The following TMEFF2 variants were observed in gnomAD, a reference collection of about 807,000 sequenced individuals.
The protein encoded by TMEFF2 is transmembrane protein with EGF like and two follistatin like domains 2.
TMEFF2 carries 28 observed loss-of-function variants against 53.8 expected under a neutral mutation model. The observed-to-expected ratio is 0.52, with a 90% confidence interval of 0.39 to 0.71. The LOEUF (loss-of-function observed/expected upper bound fraction) is 0.71, where lower values mean the gene tolerates loss of function less well. Among genes scored for constraint, TMEFF2 ranks in the 30% least tolerant of loss-of-function variants. The probability of loss-of-function intolerance (pLI) is 0.00; values close to 1 mark genes in which losing one functional copy is unlikely to be tolerated. For missense variants in TMEFF2, 353 were observed against 455.2 expected (o/e 0.78, Z 2.04); for synonymous variants, 162 against 166.3 (o/e 0.97, Z 0.20).
intron 4 of TMEFF2, among the ~76,000 whole-genome samples, chr2:192,153,390 C>G (rs2106002986): frequency 6.6e-6 from 1 of 151,908 alleles, no homozygotes; most frequent in Non-Finnish European, 1.5e-5. Flanking sequence ...CATATATACC[C>G]ATTTCATACC....
intron 4 of TMEFF2, among the ~76,000 whole-genome samples, chr2:192,063,109 T>A (rs2105908852): frequency 6.6e-6 from 1 of 152,066 alleles, no homozygotes; most frequent in African/African-American, 2.4e-5. Flanking sequence ...TAATTTATTA[T>A]TTTTCTAGTT....
chr2:192,048,711 C>T (rs1293409106), intron 5 of TMEFF2, among the ~76,000 whole-genome samples: 1 of 152,044 alleles, frequency 6.6e-6, no homozygotes, highest in Non-Finnish European at 1.5e-5. Context: ...TTCTATTTCT[C>T]ATCTCCAGGA....
intron 7 of TMEFF2, among the ~76,000 whole-genome samples, chr2:191,982,263 A>G (rs1049158455): frequency 2.0e-5 from 3 of 152,202 alleles, no homozygotes; most frequent in Non-Finnish European, 4.4e-5. Flanking sequence ...TGAAACAGAC[A>G]TTAGAGATTA....
In TMEFF2 at chr2:192,136,403, A is replaced by T. The variant is rs117300779; in HGVS notation, c.439+43265T>A. Among the ~76,000 whole-genome samples the T allele has an allele frequency of 2.3e-3, 353 of 152,324 alleles. 8 individuals are homozygous for T. In the East Asian group the frequency reaches 0.061, roughly 26 times the overall value. Reference sequence around the variant, plus strand: ...CTTATCTCTTGCCTTTTTATGATTCATAAAATCTCAACTCTAGGACATACT... The same window carrying T: ...CTTATCTCTTGCCTTTTTATGATTCTTAAAATCTCAACTCTAGGACATACT... On this transcript the variant is annotated intron_variant, in intron 4 of 9. Transcript: ENST00000272771.
intron 9 of TMEFF2, 74 bp downstream of exon 9, chr2:191,953,605 C>G: frequency 6.5e-7 from 1 of 1,541,560 alleles, no homozygotes; most frequent in East Asian, 2.3e-5. Context: ...GAACTCACCT[C>G]GGAGGGATCT....
intron 4 of TMEFF2, among the ~76,000 whole-genome samples, chr2:192,149,857 CA>C (rs1054242599): frequency 6.6e-6 from 1 of 151,962 alleles, no homozygotes; most frequent in Admixed American, 6.6e-5. Flanking sequence ...TATTGTTAAA[CA>C]CACAATTCCA....
intron 4 of TMEFF2, among the ~76,000 whole-genome samples, chr2:192,088,719 G>C (rs1353694699): frequency 6.6e-6 from 1 of 151,950 alleles, no homozygotes; most frequent in Admixed American, 6.6e-5. Flanking sequence ...TTTAATTCAT[G>C]CTATTCCTTT....
At chr2:192,052,315 A>G (rs991264462) in intron 5 of TMEFF2, among the ~76,000 whole-genome samples, 6 of 152,188 alleles carry the variant, frequency 3.9e-5, no homozygotes, top group Non-Finnish European at 8.8e-5. Context: ...AGACCCAGCT[A>G]TCAGTGCTTT....
intron 7 of TMEFF2, among the ~76,000 whole-genome samples, chr2:191,976,357 AGTT>A (rs1685728152): frequency 6.6e-6 from 1 of 152,232 alleles, no homozygotes; most frequent in South Asian, 2.1e-4. Context: ...TAAATGTTTT[AGTT>A]GTTATTAGTC....
At chr2:192,086,571 G>A (rs1031601816) in intron 4 of TMEFF2, among the ~76,000 whole-genome samples, 1 of 152,126 alleles carries the variant, frequency 6.6e-6, no homozygotes, top group African/African-American at 2.4e-5. Flanking sequence ...TTAGATGAGA[G>A]ATGAGGTGGT....
chr2:192,127,116 A>G (rs907267308), intron 4 of TMEFF2, among the ~76,000 whole-genome samples: 1 of 152,186 alleles, frequency 6.6e-6, no homozygotes, highest in African/African-American at 2.4e-5. Flanking sequence ...TTTCTGACAG[A>G]TGAGAGTCTG....
chr2:192,118,654 A>T (rs1002560764), intron 4 of TMEFF2, among the ~76,000 whole-genome samples: 10 of 152,198 alleles, frequency 6.6e-5, no homozygotes, highest in African/African-American at 2.4e-4. Context: ...AGCTTTTAAA[A>T]AATTATAACA....
chr2:192,037,280 A>AGAAAGAAG (rs1687326928), intron 5 of TMEFF2, among the ~76,000 whole-genome samples: 1 of 122,386 alleles, frequency 8.2e-6, no homozygotes, highest in African/African-American at 4.1e-5. Context: ...AAATAAAGAA[A>AGAAAGAAG]GAAAGAAAGA....
At chr2:192,133,895 G>A (rs1689927189) in intron 4 of TMEFF2, among the ~76,000 whole-genome samples, 1 of 152,110 alleles carries the variant, frequency 6.6e-6, no homozygotes. Flanking sequence ...GATCGTGTCC[G>A]ATTAATCTCC....
At chr2:192,139,735 A>G (rs571748060) in intron 4 of TMEFF2, among the ~76,000 whole-genome samples, 1 of 152,304 alleles carries the variant, frequency 6.6e-6, no homozygotes, top group African/African-American at 2.4e-5. Flanking sequence ...GAATCTCATT[A>G]TTTCATGAGG....
intron 4 of TMEFF2, among the ~76,000 whole-genome samples, chr2:192,115,241 T>C (rs889311733): frequency 1.3e-5 from 2 of 151,948 alleles, no homozygotes; most frequent in South Asian, 2.1e-4. Flanking sequence ...AAGAGACATA[T>C]AGATCAATAG....
intron 4 of TMEFF2, among the ~76,000 whole-genome samples, chr2:192,093,811 A>C (rs1688844780): frequency 7.1e-6 from 1 of 140,462 alleles, no homozygotes; most frequent in Non-Finnish European, 1.6e-5. Context: ...TGTTAAAAGG[A>C]ATATATTTCT....
At chr2:192,188,434 G>C (rs560520013) in intron 2 of TMEFF2, among the ~76,000 whole-genome samples, 1 of 152,300 alleles carries the variant, frequency 6.6e-6, no homozygotes, top group East Asian at 1.9e-4. Context: ...AGAACCCTCA[G>C]ATCGGTATAG....
At chr2:191,980,569 T>A (rs914795708) in intron 7 of TMEFF2, among the ~76,000 whole-genome samples, 1 of 152,150 alleles carries the variant, frequency 6.6e-6, no homozygotes, top group Non-Finnish European at 1.5e-5. Flanking sequence ...CCAGGGCTTC[T>A]TGTTATTTGC....
Sources: gnomAD v4.1 joint callset for allele counts (sites outside exome capture counted in the v4.1 genomes callset) on GRCh38, gnomAD v4.1.1 for gene constraint, MANE v1.5 for transcripts, NCBI Gene and HGNC (gene_info 2026-07-23, HGNC 2026-07-21) for gene names.